Variants in ADAMTSL1 observed in about 807,000 individuals in gnomAD.
ADAMTSL1 encodes ADAMTS-like protein 1.
Under a neutral mutation model 201.8 loss-of-function variants are expected in ADAMTSL1, and 126 were observed. The observed-to-expected ratio is 0.62, with a 90% CI of 0.54 to 0.72. ADAMTSL1 has a LOEUF of 0.72. ADAMTSL1 is among the 30% of genes least tolerant of loss of function. ADAMTSL1 has a pLI of 0.00. For missense variants in ADAMTSL1, 2,679 were observed against 2,277.8 expected (o/e 1.18, Z -3.59); for synonymous variants, 1,121 against 903.4 (o/e 1.24, Z -4.32).
intron 2 of ADAMTSL1, among the ~76,000 whole-genome samples, chr9:18,351,551 T>C (rs1176410417): frequency 6.6e-6 from 1 of 152,116 alleles, no homozygotes; most frequent in Non-Finnish European, 1.5e-5. Context: ...GTGTTGGCAT[T>C]TGATTGCACA....
intron 15 of ADAMTSL1, among the ~76,000 whole-genome samples, chr9:18,726,695 G>C (rs918028939): frequency 1.3e-5 from 2 of 152,162 alleles, no homozygotes; most frequent in East Asian, 3.8e-4. Context: ...TGTGGAGGAG[G>C]AGAATTAAGT....
chr9:18,878,889 C>T (rs1440183395), intron 23 of ADAMTSL1, among the ~76,000 whole-genome samples: 3 of 152,166 alleles, frequency 2.0e-5, no homozygotes, highest in African/African-American at 7.2e-5. Context: ...CAGAGCTCTG[C>T]AGGGAGTGGG....
At chr9:18,885,884 C>A (rs958701088) in intron 23 of ADAMTSL1, among the ~76,000 whole-genome samples, 4 of 152,002 alleles carry the variant, frequency 2.6e-5, no homozygotes, top group Non-Finnish European at 4.4e-5. Context: ...TCAGGAAGGT[C>A]TCCTAACCTC....
At chr9:18,418,999 G>A (rs7027029) in intron 2 of ADAMTSL1, among the ~76,000 whole-genome samples, 42,172 of 152,090 alleles carry the variant, frequency 0.28, 7,418 homozygotes, top group African/African-American at 0.49. Context: ...CAAATAGATC[G>A]ATGTAACAGA....
At chr9:18,578,551 T>G (rs908594189) in intron 4 of ADAMTSL1, among the ~76,000 whole-genome samples, 3 of 152,360 alleles carry the variant, frequency 2.0e-5, no homozygotes, top group Admixed American at 6.5e-5. Context: ...CACCACTCAT[T>G]GGCATGTGCC....
intron 2 of ADAMTSL1, among the ~76,000 whole-genome samples, chr9:18,214,772 A>G (rs549286186): frequency 8.5e-5 from 13 of 152,332 alleles, no homozygotes; most frequent in African/African-American, 2.6e-4. Flanking sequence ...ATTTCAAAAC[A>G]TTTTAGAGAA....
chr9:18,903,519 G>A (rs567593404), intron 26 of ADAMTSL1, among the ~76,000 whole-genome samples: 3 of 152,140 alleles, frequency 2.0e-5, no homozygotes, highest in African/African-American at 7.2e-5. Flanking sequence ...ATTTCTTCAC[G>A]TGTATACAGG....
intron 8 of ADAMTSL1, among the ~76,000 whole-genome samples, chr9:18,658,245 A>G (rs1828844958): frequency 6.6e-6 from 1 of 152,190 alleles, no homozygotes; most frequent in Non-Finnish European, 1.5e-5. Flanking sequence ...AAGTGCTGGG[A>G]TTACAGGCGT....
At chr9:18,348,731 C>T (rs1416306331) in intron 2 of ADAMTSL1, among the ~76,000 whole-genome samples, 1 of 152,078 alleles carries the variant, frequency 6.6e-6, no homozygotes, top group East Asian at 1.9e-4. Flanking sequence ...TTGGCCAGAG[C>T]TATGGTGAGA....
chr9:18,236,986 C>T (rs955927722), intron 2 of ADAMTSL1, among the ~76,000 whole-genome samples: 1 of 152,180 alleles, frequency 6.6e-6, no homozygotes, highest in African/African-American at 2.4e-5. Context: ...AGAATCTTTA[C>T]ACAGATAACA....
chr9:18,789,289 T>C (rs1370558145), intron 19 of ADAMTSL1, among the ~76,000 whole-genome samples: 1 of 152,172 alleles, frequency 6.6e-6, no homozygotes. Context: ...TACATTAGCT[T>C]ATACAGAACT....
intron 1 of ADAMTSL1, among the ~76,000 whole-genome samples, chr9:18,136,120 C>A (rs1221223053): frequency 6.6e-6 from 1 of 152,194 alleles, no homozygotes; most frequent in Non-Finnish European, 1.5e-5. Flanking sequence ...GCAGTAAGAG[C>A]ATTTACAAGG....
At chr9:18,054,302 A>G (rs1822072262) in intron 1 of ADAMTSL1, among the ~76,000 whole-genome samples, 1 of 152,232 alleles carries the variant, frequency 6.6e-6, no homozygotes. Context: ...ATTTTGAATT[A>G]CAGCTTTTCA....
At chr9:17,984,967 C>T (rs1818862842) in intron 1 of ADAMTSL1, among the ~76,000 whole-genome samples, 1 of 152,012 alleles carries the variant, frequency 6.6e-6, no homozygotes, top group Non-Finnish European at 1.5e-5. Flanking sequence ...TGCCTTAAAC[C>T]ATTGTGTTTG....
At chr9:18,806,573 T>G (rs1270057169) in intron 20 of ADAMTSL1, among the ~76,000 whole-genome samples, 1 of 152,218 alleles carries the variant, frequency 6.6e-6, no homozygotes, top group Non-Finnish European at 1.5e-5. Flanking sequence ...AAACAAACTT[T>G]CCATCTCCTC....
At chr9:18,528,939 G>T (rs780515410) in intron 2 of ADAMTSL1, among the ~76,000 whole-genome samples, 19 of 151,974 alleles carry the variant, frequency 1.3e-4, no homozygotes, top group Admixed American at 9.2e-4. Flanking sequence ...GTTTAAATGT[G>T]AAAGAAATCA....
At chr9:18,740,696 C>T (rs1161366780) in intron 15 of ADAMTSL1, among the ~76,000 whole-genome samples, 2 of 151,908 alleles carry the variant, frequency 1.3e-5, no homozygotes, top group South Asian at 4.2e-4. Context: ...AGGCTGGTCT[C>T]GAACTCCTGA....
intron 15 of ADAMTSL1, among the ~76,000 whole-genome samples, chr9:18,733,581 A>G (rs1818334966): frequency 6.6e-6 from 1 of 152,072 alleles, no homozygotes; most frequent in African/African-American, 2.4e-5. Flanking sequence ...GGCTTAGCTT[A>G]TGCTTTGGTG....
At chr9:18,441,991 C>G (rs1820012966) in intron 2 of ADAMTSL1, among the ~76,000 whole-genome samples, 1 of 152,122 alleles carries the variant, frequency 6.6e-6, no homozygotes. Flanking sequence ...TTTGGGATGG[C>G]TGGATGATAA....
Sources: allele counts gnomAD v4.1 joint callset (sites outside exome capture counted in the v4.1 genomes callset), GRCh38; gene constraint gnomAD v4.1.1; transcripts MANE v1.5; gene names NCBI Gene and HGNC (gene_info 2026-07-23, HGNC 2026-07-21).